The following TLL1 variants were observed in gnomAD, a reference collection of about 807,000 sequenced individuals.
TLL1 encodes the protein tolloid-like protein 1.
Under a neutral mutation model 128.2 loss-of-function variants are expected in TLL1, and 49 were observed. That is an observed-to-expected ratio of 0.38 (90% CI 0.30 to 0.48). TLL1 has a LOEUF of 0.48. TLL1 is among the 20% of genes least tolerant of loss of function. The probability of loss-of-function intolerance (pLI) is 0.96; values close to 1 mark genes in which losing one functional copy is unlikely to be tolerated. For missense variants in TLL1, 1,123 were observed against 1,242.0 expected (o/e 0.90, Z 1.44); for synonymous variants, 454 against 418.8 (o/e 1.08, Z -1.03).
intron 13 of TLL1, among the ~76,000 whole-genome samples, chr4:166,056,862 C>T (rs1021055013): frequency 3.3e-5 from 5 of 152,208 alleles, no homozygotes; most frequent in South Asian, 2.1e-4. Context: ...TATACGTTAT[C>T]CATCAGGGGC....
At chr4:166,023,967 A>G (rs1051342586) in intron 8 of TLL1, among the ~76,000 whole-genome samples, 2 of 152,078 alleles carry the variant, frequency 1.3e-5, no homozygotes, top group Non-Finnish European at 2.9e-5. Flanking sequence ...TTTAGCATTT[A>G]ACTGATCCTA....
rs550601012 is a variant in TLL1, at chr4:166,033,753, C to T, written c.1159-5586C>T. On this transcript the variant is annotated intron_variant, in intron 9 of 20. Coordinates refer to ENST00000061240, the MANE Select transcript of TLL1 (RefSeq NM_012464.5). Reference sequence around the variant, plus strand: ...GGATTTCTGTTCAATCTAAGGTTATCCTTGATGTTGCATGGTTCATGCTGG... The same window carrying T: ...GGATTTCTGTTCAATCTAAGGTTATTCTTGATGTTGCATGGTTCATGCTGG... 2.6e-5 allele frequency among the ~76,000 whole-genome samples: 4 copies of T among 152,244 alleles called. No individual in the cohort carries two copies. In the South Asian group the frequency reaches 6.2e-4, roughly 24 times the overall value.
intron 16 of TLL1, among the ~76,000 whole-genome samples, chr4:166,071,315 G>A (rs781704217): frequency 2.6e-5 from 4 of 151,778 alleles, no homozygotes; most frequent in Non-Finnish European, 5.9e-5. Flanking sequence ...TCAGAGGTTC[G>A]CTGCAGGCCT....
intron 1 of TLL1, among the ~76,000 whole-genome samples, chr4:165,959,271 G>C (rs1375201709): frequency 6.6e-6 from 1 of 152,046 alleles, no homozygotes; most frequent in Non-Finnish European, 1.5e-5. Context: ...AGCTTGATGG[G>C]GATGGCATTG....
chr4:165,885,177 C>T (rs919121584), intron 1 of TLL1, among the ~76,000 whole-genome samples: 1 of 152,090 alleles, frequency 6.6e-6, no homozygotes. Context: ...GAAATGGAAA[C>T]TCCAGTACTG....
intron 8 of TLL1, among the ~76,000 whole-genome samples, chr4:166,016,820 T>C (rs1344131606): frequency 6.6e-6 from 1 of 151,954 alleles, no homozygotes; most frequent in African/African-American, 2.4e-5. Flanking sequence ...TATAGAGAGA[T>C]ATATAAATAT....
At chr4:166,060,510 C>T (rs150051876) in intron 15 of TLL1, among the ~76,000 whole-genome samples, 1,631 of 152,068 alleles carry the variant, frequency 0.011, 31 homozygotes, top group African/African-American at 0.037. Context: ...AAAAAATAAA[C>T]CAAAACCCTG....
chr4:166,052,981 A>ATATATATATATATATATATATATT (rs1386419614), intron 12 of TLL1, among the ~76,000 whole-genome samples: 2 of 144,692 alleles, frequency 1.4e-5, no homozygotes, highest in African/African-American at 5.2e-5. Context: ...ATATATATAT[A>ATATATATATATATATATATATATT]TTTGGCCAAA....
intron 9 of TLL1, among the ~76,000 whole-genome samples, chr4:166,032,980 T>C (rs115529160): frequency 0.013 from 2,053 of 152,248 alleles, 52 homozygotes; most frequent in African/African-American, 0.047. Flanking sequence ...TCAATGAATA[T>C]ATGAAATTCT....
intron 1 of TLL1, among the ~76,000 whole-genome samples, chr4:165,981,150 GTT>G (rs112412786): frequency 1.3e-5 from 2 of 151,876 alleles, no homozygotes; most frequent in African/African-American, 4.8e-5. Flanking sequence ...CCTCTATAGA[GTT>G]TTTTTCCCCC....
intron 8 of TLL1, among the ~76,000 whole-genome samples, chr4:166,022,965 G>A (rs1011074871): frequency 6.6e-6 from 1 of 152,020 alleles, no homozygotes; most frequent in Admixed American, 6.6e-5. Flanking sequence ...TAGTTGTATT[G>A]CTCACACATT....
intron 8 of TLL1, 36 bp downstream of exon 8, chr4:166,014,596 C>T (rs140330286): frequency 6.2e-7 from 1 of 1,608,432 alleles, no homozygotes. Flanking sequence ...CATGACTGTA[C>T]TTGATTGTGC....
intron 5 of TLL1, among the ~76,000 whole-genome samples, chr4:165,997,674 T>C (rs2111023708): frequency 6.6e-6 from 1 of 152,332 alleles, no homozygotes; most frequent in East Asian, 1.9e-4. Flanking sequence ...TTAACATTTA[T>C]TGGTAACTTT....
At chr4:165,942,446 G>A (rs922062330) in intron 1 of TLL1, among the ~76,000 whole-genome samples, 4 of 151,814 alleles carry the variant, frequency 2.6e-5, no homozygotes, top group African/African-American at 9.7e-5. Context: ...TTGCATTGCA[G>A]TTACTGTTTT....
At position 166,003,536 on chromosome 4, in the gene TLL1, C is replaced by T. The variant is rs1173958942; in HGVS notation, c.778C>T (p.His260Tyr). ...HEHTRPDRDN[H>Y]VTIIRENIQP... ...ACACACAAGACCAGATCGAGATAAC[C>T]ACGTAACTATCATAAGAGAAAACAT... Residue 260 changes from histidine (H) to tyrosine (Y), a missense_variant, in exon 6 of 21, where the codon CAC becomes TAC. His to Tyr is a moderately conservative substitution (Grantham distance 83). Transcript: ENST00000061240. 4 of 1,613,832 alleles carry T rather than the reference C, an allele frequency of 2.5e-6. No homozygotes were observed. In the Admixed American group the frequency reaches 5.0e-5, roughly 20 times the overall value.
intron 1 of TLL1, among the ~76,000 whole-genome samples, chr4:165,923,636 C>T (rs1733146368): frequency 1.3e-5 from 2 of 151,560 alleles, no homozygotes; most frequent in Admixed American, 1.3e-4. Context: ...GGGGTTTCAC[C>T]GTATTAGTGA....
chr4:166,039,451 C>T lies in TLL1; in HGVS notation c.1261+10C>T. On this transcript the variant is annotated intron_variant, in intron 10 of 20. Coordinates refer to ENST00000061240, the MANE Select transcript of TLL1 (RefSeq NM_012464.5). ...AAATCACCTCTCCTTGGTAAGATAT[C>T]CTTTCCCTTTTATGTGGCTATGTAT... The T allele has an allele frequency of 6.3e-7, 1 of 1,594,124 alleles. No individual in the cohort carries two copies. Among genetic ancestry groups the T allele is most frequent in the Non-Finnish European group, 8.6e-7 (1 of 1,162,340 alleles).
intron 1 of TLL1, among the ~76,000 whole-genome samples, chr4:165,916,376 C>A (rs986871075): frequency 6.6e-6 from 1 of 152,096 alleles, no homozygotes; most frequent in Non-Finnish European, 1.5e-5. Flanking sequence ...TAATTGAGTG[C>A]ACACTTAAGA....
intron 16 of TLL1, among the ~76,000 whole-genome samples, chr4:166,072,525 T>C (rs1740841000): frequency 6.6e-6 from 1 of 151,948 alleles, no homozygotes; most frequent in Non-Finnish European, 1.5e-5. Flanking sequence ...ATCATTGAAA[T>C]ACAATTGGTT....
Sources: allele counts gnomAD v4.1 joint callset (sites outside exome capture counted in the v4.1 genomes callset), GRCh38; gene constraint gnomAD v4.1.1; transcripts MANE v1.5; gene names NCBI Gene and HGNC (gene_info 2026-07-23, HGNC 2026-07-21).